GULP1: variants seen among roughly 807,000 people sequenced by gnomAD.
GULP1 encodes PTB domain-containing engulfment adapter protein 1.
GULP1 carries 19 observed loss-of-function variants against 40.9 expected under a neutral mutation model. The ratio of observed to expected loss-of-function variants is 0.46; its 90% CI spans 0.32 to 0.68. The LOEUF (loss-of-function observed/expected upper bound fraction) is 0.68, where lower values mean the gene tolerates loss of function less well. Ranked by LOEUF, GULP1 falls within the 30% of genes least tolerant of loss-of-function variation. GULP1 has a pLI of 0.03. For missense variants in GULP1, 312 were observed against 362.2 expected (o/e 0.86, Z 1.12); for synonymous variants, 119 against 117.6 (o/e 1.01, Z -0.08).
At chr2:188,544,365 A>G (rs566485115) in intron 7 of GULP1, among the ~76,000 whole-genome samples, 22 of 152,164 alleles carry the variant, frequency 1.4e-4, no homozygotes, top group African/African-American at 4.8e-4. Context: ...ATGAGAATGT[A>G]GAAAATCTTA....
At chr2:188,349,457 C>T (rs971484163) in intron 1 of GULP1, among the ~76,000 whole-genome samples, 7 of 152,088 alleles carry the variant, frequency 4.6e-5, no homozygotes, top group Admixed American at 1.3e-4. Flanking sequence ...AGTGGCATCT[C>T]TTTGTGGCTT....
In GULP1 at chr2:188,493,056, A is replaced by G. The variant is rs2062559343; in HGVS notation, c.90+9564A>G. On this transcript the variant is annotated intron_variant, in intron 4 of 11. Coordinates refer to ENST00000409830, the MANE Select transcript of GULP1 (RefSeq NM_016315.4). The stretch of plus-strand genomic sequence containing the variant: ...TCCATAGCAGTTTAATCTAAATTAC[A>G]TATTGAAATGCATTCAGATAACCAA... 2.0e-5 allele frequency among the ~76,000 whole-genome samples: 3 copies of G among 152,128 alleles called. No individual in the cohort carries two copies. The South Asian group carries it at 6.2e-4, about 31-fold the overall frequency.
At chr2:188,497,619 G>A (rs1451435215) in intron 4 of GULP1, among the ~76,000 whole-genome samples, 1 of 151,834 alleles carries the variant, frequency 6.6e-6, no homozygotes, top group East Asian at 1.9e-4. Context: ...TAACTGATCA[G>A]CAAAAGAGAT....
Position 188,431,975 on chromosome 2 carries a change from T to C in GULP1, c.-44-45684T>C, listed in dbSNP as rs148152645. The stretch of plus-strand genomic sequence containing the variant: ...TTTAAAAAGAACACATTTTCATGTC[T>C]GTCATAATTTTTTTAATCCAAACCA... On this transcript the variant is annotated intron_variant, in intron 2 of 11. Coordinates refer to ENST00000409830, the MANE Select transcript of GULP1 (RefSeq NM_016315.4). Among the ~76,000 whole-genome samples the C allele has an allele frequency of 9.6e-4, 146 of 151,746 alleles. 2 individuals carry two copies. The East Asian group carries it at 0.024, about 25-fold the overall frequency.
chr2:188,369,191 C>G (rs1480363474), intron 1 of GULP1, among the ~76,000 whole-genome samples: 1 of 151,326 alleles, frequency 6.6e-6, no homozygotes, highest in Admixed American at 6.6e-5. Context: ...AAACCCCTGA[C>G]CTCAGGTGAT....
At chr2:188,593,227 A>G (rs1395399699) in intron 11 of GULP1, 1 of 151,962 alleles carries the variant, frequency 6.6e-6, no homozygotes, top group African/African-American at 2.4e-5. Flanking sequence ...AAAAAAAAAG[A>G]GATTGGAGTG....
At chr2:188,309,586 T>G (rs2037723162) in intron 1 of GULP1, among the ~76,000 whole-genome samples, 1 of 152,236 alleles carries the variant, frequency 6.6e-6, no homozygotes, top group African/African-American at 2.4e-5. Context: ...GCTCTGTTAC[T>G]GAACCTTTTT....
chr2:188,512,948 G>A (rs2064748531), intron 4 of GULP1, among the ~76,000 whole-genome samples: 1 of 152,022 alleles, frequency 6.6e-6, no homozygotes, highest in African/African-American at 2.4e-5. Flanking sequence ...AGTCACCAAG[G>A]TAAATATTTT....
chr2:188,585,167 G>A (rs1702111804), intron 10 of GULP1, among the ~76,000 whole-genome samples: 1 of 152,188 alleles, frequency 6.6e-6, no homozygotes, highest in South Asian at 2.1e-4. Context: ...CACATCCAGG[G>A]CATGCTAATG....
chr2:188,552,352 A>G (rs1437669687), intron 7 of GULP1, among the ~76,000 whole-genome samples: 1 of 151,608 alleles, frequency 6.6e-6, no homozygotes, highest in East Asian at 1.9e-4. Flanking sequence ...ATATATGGTG[A>G]TAGGGGTCCA....
At chr2:188,305,699 C>A (rs984824752) in intron 1 of GULP1, among the ~76,000 whole-genome samples, 1 of 152,162 alleles carries the variant, frequency 6.6e-6, no homozygotes, top group East Asian at 1.9e-4. Flanking sequence ...TCTGCATATT[C>A]CTTTGACTTT....
intron 1 of GULP1, among the ~76,000 whole-genome samples, chr2:188,361,190 A>T (rs1056333074): frequency 6.6e-6 from 1 of 152,002 alleles, no homozygotes; most frequent in Non-Finnish European, 1.5e-5. Flanking sequence ...TCATTTATTC[A>T]TCTGTTCTGT....
intron 1 of GULP1, among the ~76,000 whole-genome samples, chr2:188,334,738 CT>C (rs2042045592): frequency 6.6e-6 from 1 of 152,206 alleles, no homozygotes; most frequent in African/African-American, 2.4e-5. Context: ...GCCTTTGCAA[CT>C]TTTCTGTAAT....
chr2:188,316,194 C>T (rs181199674), intron 1 of GULP1, among the ~76,000 whole-genome samples: 2 of 152,118 alleles, frequency 1.3e-5, no homozygotes, highest in African/African-American at 4.8e-5. Context: ...CCTTTTACAA[C>T]TCATTTTCTG....
chr2:188,457,037 G>C (rs1229267956), intron 2 of GULP1, among the ~76,000 whole-genome samples: 1 of 152,130 alleles, frequency 6.6e-6, no homozygotes, highest in African/African-American at 2.4e-5. Flanking sequence ...TGGAATGGCT[G>C]CATGTACCCA....
At chr2:188,381,554 G>T (rs1420357351) in intron 1 of GULP1, among the ~76,000 whole-genome samples, 1 of 152,060 alleles carries the variant, frequency 6.6e-6, no homozygotes, top group Non-Finnish European at 1.5e-5. Context: ...AATTTGGAAT[G>T]AAATGTATTG....
chr2:188,294,974 C>A (rs2034606848), intron 1 of GULP1, among the ~76,000 whole-genome samples: 1 of 152,070 alleles, frequency 6.6e-6, no homozygotes, highest in East Asian at 1.9e-4. Context: ...TTAATCATAG[C>A]TTTAATTTAA....
intron 2 of GULP1, among the ~76,000 whole-genome samples, chr2:188,399,567 A>T (rs2051807771): frequency 6.6e-6 from 1 of 152,014 alleles, no homozygotes; most frequent in South Asian, 2.1e-4. Flanking sequence ...TAAAGCCATC[A>T]AACTGTCCAG....
chr2:188,428,261 A>G (rs2056454489), intron 2 of GULP1, among the ~76,000 whole-genome samples: 1 of 152,206 alleles, frequency 6.6e-6, no homozygotes, highest in Non-Finnish European at 1.5e-5. Flanking sequence ...ATCTTGTCTT[A>G]GATGAGATTT....
Sources: gnomAD v4.1 joint callset for allele counts (sites outside exome capture counted in the v4.1 genomes callset) on GRCh38, gnomAD v4.1.1 for gene constraint, MANE v1.5 for transcripts, NCBI Gene and HGNC (gene_info 2026-07-23, HGNC 2026-07-21) for gene names.